The following BRINP1 variants were observed in gnomAD, a reference collection of about 807,000 sequenced individuals.
The protein encoded by BRINP1 is BMP/retinoic acid-inducible neural-specific protein 1.
A neutral mutation model predicts 72.9 loss-of-function variants in BRINP1; 17 were observed. That is an observed-to-expected ratio of 0.23 (90% CI 0.16 to 0.35). BRINP1 has a LOEUF of 0.35. Among genes scored for constraint, BRINP1 ranks in the 10% least tolerant of loss-of-function variants. The pLI is 1.00. For missense variants in BRINP1, 850 were observed against 1,001.6 expected, an observed-to-expected ratio of 0.85 and a Z score of 2.04; for synonymous variants, 418 against 378.5, an observed-to-expected ratio of 1.10 and a Z score of -1.21.
At chr9:119,182,216 A>T (rs772402245) in intron 7 of BRINP1, among the ~76,000 whole-genome samples, 9 of 152,226 alleles carry the variant, frequency 5.9e-5, no homozygotes, top group Non-Finnish European at 8.8e-5. Flanking sequence ...AACAACATCA[A>T]CAAAACAACT....
At chr9:119,168,973 C>G (rs776004304) in intron 7 of BRINP1, among the ~76,000 whole-genome samples, 5 of 152,158 alleles carry the variant, frequency 3.3e-5, no homozygotes, top group Non-Finnish European at 5.9e-5. Flanking sequence ...CCAGCAATCC[C>G]ATTATTGGGT....
At chr9:119,176,539 C>T (rs373337885) in intron 7 of BRINP1, among the ~76,000 whole-genome samples, 2 of 152,000 alleles carry the variant, frequency 1.3e-5, no homozygotes, top group South Asian at 2.1e-4. Flanking sequence ...ATTCTATAAC[C>T]GGGATCAAGT....
At position 119,248,945 on chromosome 9, in the gene BRINP1, T is replaced by G; in HGVS notation, c.409+15A>C. On this transcript the variant is annotated intron_variant, in intron 3 of 7. Coordinates refer to ENST00000265922, the MANE Select transcript of BRINP1 (RefSeq NM_014618.3). ...AAGTCATGAGAAGGCTCTGGCCCAGTGGCTGCTGACCTACCTCCCAATGTG... is the reference window on the plus strand; with the variant it reads ...AAGTCATGAGAAGGCTCTGGCCCAGGGGCTGCTGACCTACCTCCCAATGTG... The G allele has an allele frequency of 6.2e-7, 1 of 1,605,630 alleles. No homozygotes were observed. The highest frequency in any genetic ancestry group is 8.5e-7 in the Non-Finnish European group (1 of 1,173,974).
chr9:119,217,997 A>G (rs1282586435), intron 5 of BRINP1, among the ~76,000 whole-genome samples: 7 of 151,960 alleles, frequency 4.6e-5, no homozygotes, highest in Non-Finnish European at 7.4e-5. Context: ...CCAGGTTAAA[A>G]GGCATCTTCA....
At chr9:119,261,939 C>A (rs1224340925) in intron 2 of BRINP1, among the ~76,000 whole-genome samples, 1 of 151,822 alleles carries the variant, frequency 6.6e-6, no homozygotes, top group African/African-American at 2.4e-5. Flanking sequence ...ACTGCCTAAA[C>A]CCCTAGTAGA....
In BRINP1 at chr9:119,348,382, C is replaced by T. The variant is rs140812522; in HGVS notation, c.-51+20674G>A. 4.7e-3 allele frequency among the ~76,000 whole-genome samples: 714 copies of T among 152,256 alleles called. 4 individuals are homozygous for T. The highest frequency in any genetic ancestry group is 0.016 in the African/African-American group (669 of 41,534). ...CTATTGAAGGATATCTTAGTTGCTT[C>T]CGAGTTTTGGCAATTATGAATAAAG... is the stretch of plus-strand genomic sequence containing the variant. On this transcript the variant is annotated intron_variant, in intron 1 of 7. Transcript: ENST00000265922.
intron 3 of BRINP1, 95 bp downstream of exon 3, chr9:119,248,865 G>C: frequency 9.1e-7 from 1 of 1,097,214 alleles, no homozygotes; most frequent in Non-Finnish European, 1.3e-6. Context: ...TGGCAGAGAA[G>C]CTAAGAAGGC....
Position 119,167,226 on chromosome 9 carries a change from G to C in BRINP1, c.2144C>G (p.Pro715Arg), listed in dbSNP as rs868445877. 8 of 1,614,044 alleles carry C rather than the reference G, an allele frequency of 5.0e-6. No homozygotes were observed. The African/African-American group carries it at 1.1e-4, about 22-fold the overall frequency. The change falls in exon 8 of 8, where the codon CCC becomes CGC. Residue 715 changes from proline to arginine, a missense_variant. Coordinates refer to ENST00000265922, the MANE Select transcript of BRINP1 (RefSeq NM_014618.3). This position sits in a 1 kb window ranked among gnomAD's most constrained non-coding sequence, Gnocchi z 4.3. ...RLAPPVAPGK[P>R]QLDLFSCMLK... is the part of the protein sequence containing the mutation. ...CATACAGGAGAACAAGTCCAGCTGGGGTTTCCCCGGGGCCACAGGAGGGGC... is the reference window on the plus strand; with the variant it reads ...CATACAGGAGAACAAGTCCAGCTGGCGTTTCCCCGGGGCCACAGGAGGGGC...
chr9:119,260,883 A>G (rs1830488559), intron 2 of BRINP1, among the ~76,000 whole-genome samples: 1 of 152,218 alleles, frequency 6.6e-6, no homozygotes, highest in Non-Finnish European at 1.5e-5. Flanking sequence ...CCAAAGCATC[A>G]TAAGAAGAAG....
At chr9:119,257,975 G>A (rs1289458340) in intron 2 of BRINP1, among the ~76,000 whole-genome samples, 1 of 151,922 alleles carries the variant, frequency 6.6e-6, no homozygotes, top group Non-Finnish European at 1.5e-5. Context: ...GGGGTGAAGT[G>A]AGGAAAAGTA....
intron 4 of BRINP1, 95 bp downstream of exon 4, chr9:119,241,952 C>A: frequency 7.3e-7 from 1 of 1,375,930 alleles, no homozygotes; most frequent in Non-Finnish European, 1.0e-6. Context: ...GGTTATGAAC[C>A]CAGAAATTAC....
intron 5 of BRINP1, among the ~76,000 whole-genome samples, chr9:119,216,517 CAG>C (rs1271356201): frequency 6.6e-6 from 1 of 152,204 alleles, no homozygotes; most frequent in Non-Finnish European, 1.5e-5. Flanking sequence ...ACAATTCTTT[CAG>C]AGTGTGCAAT....
intron 2 of BRINP1, among the ~76,000 whole-genome samples, chr9:119,302,429 A>G (rs2118984965): frequency 6.6e-6 from 1 of 152,254 alleles, no homozygotes; most frequent in South Asian, 2.1e-4. Context: ...CAACAGAAAT[A>G]CTTCATTATT....
At chr9:119,192,808 C>G (rs1313813569) in intron 7 of BRINP1, among the ~76,000 whole-genome samples, 1 of 151,986 alleles carries the variant, frequency 6.6e-6, no homozygotes, top group African/African-American at 2.4e-5. Context: ...ATATTAACTG[C>G]AATATTATTC....
chr9:119,327,788 G>T (rs1831254544), intron 1 of BRINP1, among the ~76,000 whole-genome samples: 1 of 152,176 alleles, frequency 6.6e-6, no homozygotes, highest in South Asian at 2.1e-4. Context: ...TGACAATAAA[G>T]AATAATGGAA....
At chr9:119,263,313 G>A (rs910292001) in intron 2 of BRINP1, among the ~76,000 whole-genome samples, 1 of 152,086 alleles carries the variant, frequency 6.6e-6, no homozygotes, top group African/African-American at 2.4e-5. Context: ...AGAACTTCAG[G>A]ACTGAAGTGC....
At chr9:119,277,166 T>C (rs1830665369) in intron 2 of BRINP1, among the ~76,000 whole-genome samples, 1 of 152,234 alleles carries the variant, frequency 6.6e-6, no homozygotes, top group Non-Finnish European at 1.5e-5. Flanking sequence ...TATAGTAGCC[T>C]ATGTGTAGAG....
intron 2 of BRINP1, among the ~76,000 whole-genome samples, chr9:119,306,240 G>A (rs1409225107): frequency 2.0e-5 from 3 of 152,110 alleles, no homozygotes; most frequent in African/African-American, 7.2e-5. Flanking sequence ...CACTGTAAAC[G>A]TACCAATTTG....
chr9:119,364,367 T>C (rs1242062563), intron 1 of BRINP1, among the ~76,000 whole-genome samples: 1 of 152,138 alleles, frequency 6.6e-6, no homozygotes, highest in African/African-American at 2.4e-5. Context: ...CTAAAAGTAC[T>C]AAAACTGAGA....
Sources: allele counts gnomAD v4.1 joint callset (sites outside exome capture counted in the v4.1 genomes callset), GRCh38; gene constraint gnomAD v4.1.1; non-coding constraint Gnocchi (gnomAD v3.1); transcripts MANE v1.5; gene names NCBI Gene and HGNC (gene_info 2026-07-23, HGNC 2026-07-21).